Variants in PLEKHG1 observed in about 807,000 individuals in gnomAD.
PLEKHG1 encodes pleckstrin homology and RhoGEF domain containing G1, also known as pleckstrin homology domain-containing family G member 1.
In PLEKHG1, 44 loss-of-function variants were observed where a neutral mutation model predicts 100.8. The ratio of observed to expected loss-of-function variants is 0.44; its 90% confidence interval spans 0.34 to 0.56. PLEKHG1 has a LOEUF of 0.56. Ranked by LOEUF, PLEKHG1 falls within the 20% of genes least tolerant of loss-of-function variation. The probability of loss-of-function intolerance (pLI) is 0.01; values close to 1 mark genes in which losing one functional copy is unlikely to be tolerated. For missense variants in PLEKHG1, 1,545 were observed against 1,720.9 expected (o/e 0.90, Z 1.81); for synonymous variants, 640 against 662.5 (o/e 0.97, Z 0.52).
chr6:150,651,422 TG>T (rs1181857463), intron 3 of PLEKHG1, among the ~76,000 whole-genome samples: 1 of 152,030 alleles, frequency 6.6e-6, no homozygotes, highest in Admixed American at 6.6e-5. Context: ...TTAGTAGAGA[TG>T]GGGTTTCACC....
At position 150,789,436 on chromosome 6, in the gene PLEKHG1, C is replaced by A. The variant is rs1360225875; in HGVS notation, c.582+2977C>A. On this transcript the variant is annotated intron_variant, in intron 4 of 15. Coordinates refer to ENST00000358517, the Ensembl canonical transcript of PLEKHG1. ...CCACAGAGCTTCACAAACCTAAGGG[C>A]AAACTTGCATTTAATTCCAGTTAAA... 9.2e-5 allele frequency among the ~76,000 whole-genome samples: 14 copies of A among 152,194 alleles called. No individual in the cohort carries two copies. In the East Asian group the frequency reaches 2.1e-3, roughly 23 times the overall value.
At chr6:150,630,079 C>T (rs143686787) in intron 1 of PLEKHG1, among the ~76,000 whole-genome samples, 7 of 152,274 alleles carry the variant, frequency 4.6e-5, no homozygotes, top group Non-Finnish European at 8.8e-5. Flanking sequence ...TATATTTGAA[C>T]GGTACTGCCC....
intron 2 of PLEKHG1, among the ~76,000 whole-genome samples, chr6:150,745,245 T>C (rs1270845889): frequency 6.6e-6 from 1 of 152,208 alleles, no homozygotes; most frequent in Non-Finnish European, 1.5e-5. Context: ...CACAATGGCA[T>C]TTGTGTATCT....
intron 3 of PLEKHG1, among the ~76,000 whole-genome samples, chr6:150,705,562 C>G (rs377294428): frequency 1.3e-5 from 2 of 152,264 alleles, no homozygotes; most frequent in African/African-American, 4.8e-5. Context: ...GAAACAAGCA[C>G]GTGACCTTGC....
chr6:150,804,021 TC>T (rs1786863126), intron 6 of PLEKHG1, among the ~76,000 whole-genome samples: 2 of 99,534 alleles, frequency 2.0e-5, no homozygotes, highest in African/African-American at 1.4e-4. Flanking sequence ...TTGTATTTTA[TC>T]CTGTTTATCC....
At chr6:150,675,661 A>AT (rs1222097971) in intron 3 of PLEKHG1, among the ~76,000 whole-genome samples, 3 of 152,218 alleles carry the variant, frequency 2.0e-5, no homozygotes, top group African/African-American at 7.2e-5. Context: ...TAATTTCTGT[A>AT]TTTTTGGTAG....
At chr6:150,762,487 C>T (rs1487924771) in intron 2 of PLEKHG1, among the ~76,000 whole-genome samples, 1 of 152,126 alleles carries the variant, frequency 6.6e-6, no homozygotes, top group African/African-American at 2.4e-5. Context: ...GCATGAGCCA[C>T]TGTGCCCGGC....
Position 150,776,502 on chromosome 6 carries a change from A to G in PLEKHG1, c.512+7764A>G, listed in dbSNP as rs1366857825. On this transcript the variant is annotated intron_variant, in intron 3 of 15. Transcript: ENST00000358517. Reference sequence around the variant, plus strand: ...TGGCGTACATGTGCAGTTGCACATCAGCCACACTGATGCAATCCTGGTGCA... The same window carrying G: ...TGGCGTACATGTGCAGTTGCACATCGGCCACACTGATGCAATCCTGGTGCA... 1.5e-5 allele frequency among the ~76,000 whole-genome samples: 2 copies of G among 130,588 alleles called. 1 individual carries two copies. The highest frequency in any genetic ancestry group is 7.2e-5 in the African/African-American group (2 of 27,692). 85.7% of individuals were successfully genotyped at this position (130,588 alleles called of 152,430 possible). A position where few individuals can be genotyped will look rare whatever the true frequency, so the allele number is the denominator to read the frequency against.
chr6:150,777,765 A>G, intron 3 of PLEKHG1, among the ~76,000 whole-genome samples: 1 of 151,440 alleles, frequency 6.6e-6, no homozygotes, highest in South Asian at 2.1e-4. Context: ...CACTACTCAC[A>G]CTGATGCAAT....
At chr6:150,623,247 T>C (rs1457192808) in intron 1 of PLEKHG1, among the ~76,000 whole-genome samples, 1 of 152,202 alleles carries the variant, frequency 6.6e-6, no homozygotes, top group Non-Finnish European at 1.5e-5. Context: ...GGAAAACAGA[T>C]GGGAAGTCTT....
chr6:150,799,370 C>T (rs1217151385), intron 5 of PLEKHG1, among the ~76,000 whole-genome samples: 1 of 152,138 alleles, frequency 6.6e-6, no homozygotes, highest in African/African-American at 2.4e-5. Context: ...TATCTTCATA[C>T]CAGTCACACC....
intron 3 of PLEKHG1, among the ~76,000 whole-genome samples, chr6:150,699,655 T>C (rs1780687695): frequency 6.6e-6 from 1 of 152,176 alleles, no homozygotes; most frequent in Non-Finnish European, 1.5e-5. Flanking sequence ...CATAGGCCTA[T>C]TAAATCACTT....
At chr6:150,723,646 G>A (rs1172901648) in intron 1 of PLEKHG1, among the ~76,000 whole-genome samples, 2 of 152,148 alleles carry the variant, frequency 1.3e-5, no homozygotes, top group African/African-American at 4.8e-5. Flanking sequence ...ATTGAGGTTG[G>A]TTTTGGGGGC....
At chr6:150,647,547 G>A (rs1401914529) in intron 2 of PLEKHG1, among the ~76,000 whole-genome samples, 1 of 152,066 alleles carries the variant, frequency 6.6e-6, no homozygotes, top group African/African-American at 2.4e-5. Flanking sequence ...TTATAGTGTA[G>A]ACTATAAGTT....
chr6:150,793,421 A>C (rs1274053633), intron 4 of PLEKHG1, among the ~76,000 whole-genome samples: 1 of 152,196 alleles, frequency 6.6e-6, no homozygotes, highest in Non-Finnish European at 1.5e-5. Flanking sequence ...GAAAGAATTA[A>C]ACATTTATTC....
intron 3 of PLEKHG1, among the ~76,000 whole-genome samples, chr6:150,684,344 G>C (rs947812785): frequency 8.5e-5 from 13 of 152,226 alleles, no homozygotes; most frequent in African/African-American, 3.1e-4. Context: ...AACAAAGTGC[G>C]AGAAGTACTG....
chr6:150,737,441 G>A (rs59498912), intron 2 of PLEKHG1, among the ~76,000 whole-genome samples: 1,811 of 151,406 alleles, frequency 0.012, 59 homozygotes, highest in African/African-American at 0.042. Flanking sequence ...ATAGGCGCCC[G>A]CCACCGCCCC....
chr6:150,650,373 A>G lies in PLEKHG1; in HGVS notation c.-157-355A>G, dbSNP rs6934294. Among the ~76,000 whole-genome samples the G allele has an allele frequency of 3.8e-3, 578 of 152,274 alleles. 4 individuals carry two copies. Among genetic ancestry groups the G allele is most frequent in the African/African-American group, 0.013 (555 of 41,550 alleles). On this transcript the variant is annotated intron_variant, in intron 2 of 3. Coordinates refer to the PLEKHG1 transcript ENST00000367326. ...AATTCTTCCTGGTTTCTGGCAAGTC[A>G]CTGAACTCCTCTGTTTACAGAGCTA...
At chr6:150,650,182 G>A (rs935050569) in intron 2 of PLEKHG1, among the ~76,000 whole-genome samples, 1 of 152,162 alleles carries the variant, frequency 6.6e-6, no homozygotes, top group African/African-American at 2.4e-5. Context: ...TTGCACTGAT[G>A]GAAAGTGAGA....
Sources: gnomAD v4.1 joint callset for allele counts (sites outside exome capture counted in the v4.1 genomes callset) on GRCh38, gnomAD v4.1.1 for gene constraint, MANE v1.5 for transcripts, NCBI Gene and HGNC (gene_info 2026-07-23, HGNC 2026-07-21) for gene names.